ACYP2: variants seen among roughly 807,000 people sequenced by gnomAD.
ACYP2 encodes the protein acylphosphatase-2.
A neutral mutation model predicts 11.2 loss-of-function variants in ACYP2; 12 were observed. That is an observed-to-expected ratio of 1.08 (90% confidence interval 0.69 to 1.74). The LOEUF (loss-of-function observed/expected upper bound fraction) is 1.74, where lower values mean the gene tolerates loss of function less well. Among genes scored for constraint, ACYP2 ranks in the 40% most tolerant of loss-of-function variants. ACYP2 has a pLI of 0.00. For synonymous variants in ACYP2, 43 were observed against 32.2 expected (o/e 1.33, Z -1.13); for missense variants, 134 against 101.9 (o/e 1.31, Z -1.35).
chr2:54,181,910 T>C (rs1329405422), intron 6 of ACYP2, among the ~76,000 whole-genome samples: 1 of 152,098 alleles, frequency 6.6e-6, no homozygotes, highest in Non-Finnish European at 1.5e-5. Flanking sequence ...TTAAAAAGGT[T>C]CATAAAACAT....
intron 6 of ACYP2, among the ~76,000 whole-genome samples, chr2:54,238,088 C>T (rs200177243): frequency 5.4e-4 from 82 of 152,290 alleles, no homozygotes; most frequent in African/African-American, 1.9e-3. Context: ...ATTCAGGTCT[C>T]TGCTCAAATG....
At chr2:54,006,131 G>A (rs1354968516) in intron 2 of ACYP2, among the ~76,000 whole-genome samples, 1 of 152,014 alleles carries the variant, frequency 6.6e-6, no homozygotes, top group Non-Finnish European at 1.5e-5. Context: ...CTACAGGTAT[G>A]CACCATGTCC....
intron 6 of ACYP2, among the ~76,000 whole-genome samples, chr2:54,248,017 C>T (rs1380776480): frequency 6.6e-6 from 1 of 152,186 alleles, no homozygotes; most frequent in Non-Finnish European, 1.5e-5. Flanking sequence ...TAACTATTAC[C>T]ATAGCCTATT....
At chr2:54,026,684 T>C (rs1285206550) in intron 2 of ACYP2, among the ~76,000 whole-genome samples, 2 of 152,106 alleles carry the variant, frequency 1.3e-5, no homozygotes, top group Admixed American at 6.5e-5. Flanking sequence ...AATGACTGAA[T>C]AAAAAGAGTC....
At chr2:54,119,309 G>A (rs368449785) in intron 4 of ACYP2, among the ~76,000 whole-genome samples, 11 of 151,728 alleles carry the variant, frequency 7.2e-5, no homozygotes, top group African/African-American at 2.4e-4. Flanking sequence ...CTCCCACCTC[G>A]GCCTCACAAA....
At chr2:54,002,989 C>A (rs753967965) in intron 2 of ACYP2, among the ~76,000 whole-genome samples, 1 of 149,944 alleles carries the variant, frequency 6.7e-6, no homozygotes, top group African/African-American at 2.5e-5. Flanking sequence ...ACTCTGTCAA[C>A]CAGGCTGGAG....
intron 2 of ACYP2, among the ~76,000 whole-genome samples, chr2:54,048,660 C>G (rs1003066732): frequency 1.3e-5 from 2 of 152,106 alleles, no homozygotes; most frequent in African/African-American, 4.8e-5. Flanking sequence ...GCCACCATGA[C>G]CTACAACCAT....
intron 2 of ACYP2, among the ~76,000 whole-genome samples, chr2:54,019,883 G>A (rs1206146121): frequency 6.6e-6 from 1 of 151,854 alleles, no homozygotes; most frequent in Non-Finnish European, 1.5e-5. Flanking sequence ...GCCTTCCAAA[G>A]TGCTGGGATT....
intron 6 of ACYP2, among the ~76,000 whole-genome samples, chr2:54,176,771 G>T (rs950884882): frequency 3.7e-4 from 56 of 152,244 alleles, no homozygotes; most frequent in African/African-American, 1.3e-3. Flanking sequence ...TTGGCCTCAG[G>T]GGGGCAGCCT....
At chr2:54,257,758 T>A (rs933015406) in intron 6 of ACYP2, among the ~76,000 whole-genome samples, 1 of 152,228 alleles carries the variant, frequency 6.6e-6, no homozygotes, top group African/African-American at 2.4e-5. Flanking sequence ...GACAGCTTTA[T>A]GCCAATACAT....
intron 6 of ACYP2, among the ~76,000 whole-genome samples, chr2:54,251,425 A>G (rs962928897): frequency 3.3e-5 from 5 of 152,200 alleles, no homozygotes; most frequent in African/African-American, 1.2e-4. Flanking sequence ...TTAAAGTACA[A>G]TATACATACA....
chr2:54,227,944 A>G (rs778147559), intron 6 of ACYP2, among the ~76,000 whole-genome samples: 1 of 152,224 alleles, frequency 6.6e-6, no homozygotes, highest in African/African-American at 2.4e-5. Flanking sequence ...CTTTCAAATC[A>G]TCTTCTCAGA....
intron 2 of ACYP2, among the ~76,000 whole-genome samples, chr2:53,977,504 G>A (rs1010952477): frequency 6.6e-6 from 1 of 152,002 alleles, no homozygotes; most frequent in Non-Finnish European, 1.5e-5. Flanking sequence ...GGAGGCTGAG[G>A]TGGGCAGATC....
chr2:53,979,546 GAA>G (rs1671651623), intron 2 of ACYP2, among the ~76,000 whole-genome samples: 1 of 151,310 alleles, frequency 6.6e-6, no homozygotes, highest in Admixed American at 6.6e-5. Flanking sequence ...AGAATCACTT[GAA>G]CTCGGGAGGT....
intron 6 of ACYP2, among the ~76,000 whole-genome samples, chr2:54,170,006 C>A (rs1017056840): frequency 1.3e-5 from 2 of 152,112 alleles, no homozygotes; most frequent in Non-Finnish European, 2.9e-5. Flanking sequence ...AGATGTGACT[C>A]TTAAACTAGT....
chr2:54,125,576 C>G (rs1680441908), intron 4 of ACYP2, among the ~76,000 whole-genome samples: 1 of 151,228 alleles, frequency 6.6e-6, no homozygotes, highest in South Asian at 2.1e-4. Flanking sequence ...ATGGTGAAAC[C>G]CTGTCTCTAC....
chr2:54,294,917 T>TA (rs34195032), intron 6 of ACYP2, among the ~76,000 whole-genome samples: 84,116 of 147,610 alleles, frequency 0.57, 24,294 homozygotes, highest in African/African-American at 0.69. Flanking sequence ...TCCTGTCTCT[T>TA]AAAAAAAAAA....
chr2:54,176,591 T>A (rs1423764726), intron 6 of ACYP2, among the ~76,000 whole-genome samples: 1 of 152,172 alleles, frequency 6.6e-6, no homozygotes, highest in Non-Finnish European at 1.5e-5. Context: ...GCAGGAAAAA[T>A]CTTATGTGTA....
intron 6 of ACYP2, among the ~76,000 whole-genome samples, chr2:54,162,973 C>T (rs1188081528): frequency 6.6e-6 from 1 of 152,148 alleles, no homozygotes; most frequent in Admixed American, 6.5e-5. Flanking sequence ...CAGAGTGAGA[C>T]CCTGTCTCAG....
Sources: allele counts gnomAD v4.1 joint callset (sites outside exome capture counted in the v4.1 genomes callset), GRCh38; gene constraint gnomAD v4.1.1; transcripts MANE v1.5; gene names NCBI Gene and HGNC (gene_info 2026-07-23, HGNC 2026-07-21).